The following AKAP6 variants were observed in gnomAD, a reference collection of about 807,000 sequenced individuals.
The protein encoded by AKAP6 is A-kinase anchoring protein 6, also known as A-kinase anchor protein 6.
Under a neutral mutation model 188.5 loss-of-function variants are expected in AKAP6, and 58 were observed. The ratio of observed to expected loss-of-function variants is 0.31; its 90% CI spans 0.25 to 0.38. The LOEUF (loss-of-function observed/expected upper bound fraction) is 0.38, where lower values mean the gene tolerates loss of function less well. Ranked by LOEUF, AKAP6 falls within the 10% of genes least tolerant of loss-of-function variation. AKAP6 has a pLI of 1.00. For missense variants in AKAP6, 2,710 were observed against 2,740.0 expected (o/e 0.99, Z 0.24); for synonymous variants, 989 against 998.6 (o/e 0.99, Z 0.18).
rs1313930341 is a variant in AKAP6, at chr14:32,828,517, TCTCTCTCTCTCTCACACACACACA to T, written c.*43-1329_*43-1306del. ...ATCACCTATCATCTATCTCTCTCTCTCTCTCTCTCTCTCACACACACACACACACACACACACACACACACACAC... is the reference window on the plus strand; with the variant it reads ...ATCACCTATCATCTATCTCTCTCTCTCACACACACACACACACACACACAC... On this transcript the variant is annotated intron_variant, in intron 13 of 13. Coordinates refer to ENST00000280979, the MANE Select transcript of AKAP6 (RefSeq NM_004274.5). Among the ~76,000 whole-genome samples, 276 of 49,426 alleles carry T rather than the reference TCTCTCTCTCTCTCACACACACACA, an allele frequency of 5.6e-3. 2 individuals carry two copies. The highest frequency in any genetic ancestry group is 0.015 in the African/African-American group (260 of 17,746). The allele number at this position is 49,426 out of a possible 152,430, so 32.4% of individuals were successfully genotyped here. A position where few individuals can be genotyped will look rare whatever the true frequency, so the allele number is the denominator to read the frequency against.
chr14:32,518,253 G>A (rs1881628475), intron 2 of AKAP6, among the ~76,000 whole-genome samples: 1 of 152,198 alleles, frequency 6.6e-6, no homozygotes, highest in South Asian at 2.1e-4. Flanking sequence ...AACCAGAGCA[G>A]AAAAGCTGAA....
chr14:32,621,445 A>G (rs1166957385), intron 7 of AKAP6, among the ~76,000 whole-genome samples: 1 of 152,116 alleles, frequency 6.6e-6, no homozygotes, highest in Non-Finnish European at 1.5e-5. Flanking sequence ...AAAATCATTC[A>G]AGAGAAGATT....
chr14:32,792,051 G>A (rs2033627060), intron 12 of AKAP6, among the ~76,000 whole-genome samples: 1 of 152,134 alleles, frequency 6.6e-6, no homozygotes, highest in South Asian at 2.1e-4. Flanking sequence ...AAGTCAGGTA[G>A]CATGATGCCT....
intron 7 of AKAP6, among the ~76,000 whole-genome samples, chr14:32,643,085 G>A (rs543285563): frequency 6.6e-6 from 1 of 152,100 alleles, no homozygotes. Flanking sequence ...TGAAACAAAT[G>A]TAATAAGTAA....
At chr14:32,778,069 A>C (rs2033122740) in intron 12 of AKAP6, among the ~76,000 whole-genome samples, 1 of 152,188 alleles carries the variant, frequency 6.6e-6, no homozygotes, top group Non-Finnish European at 1.5e-5. Context: ...AGTGGAATAA[A>C]ATAACCTAGA....
At position 32,546,568 on chromosome 14, in the gene AKAP6, CA is replaced by C; in HGVS notation, c.1916del (p.Gln639ArgfsTer7). 1 of 1,614,194 alleles carries C rather than the reference CA, an allele frequency of 6.2e-7. No individual in the cohort carries two copies. Reference protein sequence around the residue: ...EYLALPSHLKQTEVLALKLEN... With the variant: ...EYLALPSHLKXTEVLALKLEN... ...CCTAGCACTGCCCTCTCACCTTAAG[CA>C]GACAGAAGTATTGGCTTTGAAGTTG... On this transcript the variant is annotated frameshift_variant, in exon 4 of 14. Coordinates refer to ENST00000280979, the MANE Select transcript of AKAP6 (RefSeq NM_004274.5). LOFTEE classifies it high-confidence loss of function.
chr14:32,646,504 T>A (rs1344455530), intron 7 of AKAP6, among the ~76,000 whole-genome samples: 15 of 152,154 alleles, frequency 9.9e-5, no homozygotes, highest in Admixed American at 9.8e-4. Context: ...TTCAAATCTT[T>A]TATGTTTTAA....
intron 11 of AKAP6, among the ~76,000 whole-genome samples, chr14:32,737,991 A>T (rs988414952): frequency 4.6e-5 from 7 of 152,148 alleles, no homozygotes; most frequent in Non-Finnish European, 8.8e-5. Flanking sequence ...GGGATTAGAC[A>T]CAGAAGAAAA....
intron 7 of AKAP6, among the ~76,000 whole-genome samples, chr14:32,652,738 T>G (rs1888283303): frequency 6.6e-6 from 1 of 152,164 alleles, no homozygotes; most frequent in South Asian, 2.1e-4. Flanking sequence ...CCATTCCTCT[T>G]TCTGAATGCA....
intron 4 of AKAP6, among the ~76,000 whole-genome samples, chr14:32,552,184 T>G (rs1883505019): frequency 6.6e-6 from 1 of 152,138 alleles, no homozygotes; most frequent in Non-Finnish European, 1.5e-5. Context: ...GAAACTGAGT[T>G]TAGAAAGATG....
intron 11 of AKAP6, among the ~76,000 whole-genome samples, chr14:32,753,537 A>T (rs974888475): frequency 2.6e-5 from 4 of 151,938 alleles, no homozygotes; most frequent in African/African-American, 9.7e-5. Flanking sequence ...TAATTCTATC[A>T]ATCTGTTTTT....
In AKAP6 at chr14:32,679,162, C is replaced by T. The variant is rs546668110; in HGVS notation, c.2879+703C>T. Among the ~76,000 whole-genome samples, 48 of 152,006 alleles carry T rather than the reference C, an allele frequency of 3.2e-4. 2 individuals are homozygous for T. The South Asian group carries it at 9.4e-3, about 30-fold the overall frequency. On this transcript the variant is annotated intron_variant, in intron 8 of 13. Transcript: ENST00000280979. Reference sequence around the variant, plus strand: ...TATATGTGTATTTATATCATTGGAGCAGATAATTTTACAAAGCTAAATATA... The same window carrying T: ...TATATGTGTATTTATATCATTGGAGTAGATAATTTTACAAAGCTAAATATA...
chr14:32,455,186 T>G (rs1160562750), intron 2 of AKAP6, among the ~76,000 whole-genome samples: 1 of 151,896 alleles, frequency 6.6e-6, no homozygotes, highest in Non-Finnish European at 1.5e-5. Context: ...CTCACTATGT[T>G]GCCCAGGCTG....
chr14:32,728,352 ATC>A (rs2030986961), intron 9 of AKAP6, among the ~76,000 whole-genome samples: 1 of 36,394 alleles, frequency 2.7e-5, no homozygotes, highest in Admixed American at 3.8e-4. Context: ...AGTGTATTCT[ATC>A]TATCTATCTA....
chr14:32,673,900 G>T (rs1321380156), intron 7 of AKAP6, among the ~76,000 whole-genome samples: 1 of 152,032 alleles, frequency 6.6e-6, no homozygotes, highest in Non-Finnish European at 1.5e-5. Context: ...TAGAAAAAGA[G>T]ACAGAAAAAA....
intron 2 of AKAP6, among the ~76,000 whole-genome samples, chr14:32,529,963 CTTTTTTTTTT>C (rs11305618): frequency 4.8e-5 from 3 of 62,008 alleles, no homozygotes; most frequent in African/African-American, 1.1e-4. Context: ...GGTAAAGAAA[CTTTTTTTTTT>C]TTTTTTTTTT....
At chr14:32,702,562 A>C (rs1277364524) in intron 9 of AKAP6, among the ~76,000 whole-genome samples, 1 of 152,052 alleles carries the variant, frequency 6.6e-6, no homozygotes, top group Non-Finnish European at 1.5e-5. Context: ...AAAAGAAAAA[A>C]AAAAAGATGT....
intron 9 of AKAP6, among the ~76,000 whole-genome samples, chr14:32,714,016 A>C (rs913154881): frequency 5.5e-4 from 84 of 151,844 alleles, no homozygotes; most frequent in Non-Finnish European, 8.5e-4. Flanking sequence ...TCTTTCTTTC[A>C]CTTGAGTACT....
chr14:32,741,205 G>A (rs1421594907), intron 11 of AKAP6, among the ~76,000 whole-genome samples: 1 of 151,806 alleles, frequency 6.6e-6, no homozygotes, highest in Non-Finnish European at 1.5e-5. Context: ...AAACGCTACT[G>A]ATTTTGTTAT....
Sources: allele counts gnomAD v4.1 joint callset (sites outside exome capture counted in the v4.1 genomes callset), GRCh38; gene constraint gnomAD v4.1.1; transcripts MANE v1.5; gene names NCBI Gene and HGNC (gene_info 2026-07-23, HGNC 2026-07-21).